Variants in PLPP4 observed in about 807,000 individuals in gnomAD.
The protein encoded by PLPP4 is phospholipid phosphatase 4.
A neutral mutation model predicts 32.2 loss-of-function variants in PLPP4; 20 were observed. The ratio of observed to expected loss-of-function variants is 0.62; its 90% CI spans 0.44 to 0.90. The LOEUF (loss-of-function observed/expected upper bound fraction) is 0.90. Ranked by LOEUF, PLPP4 falls within the 40% of genes least tolerant of loss-of-function variation. The pLI is 0.00. For missense variants in PLPP4, 257 were observed against 353.1 expected (o/e 0.73, Z 2.18); for synonymous variants, 127 against 133.0 (o/e 0.95, Z 0.31).
At chr10:120,569,833 G>C (rs1848850842) in intron 5 of PLPP4, among the ~76,000 whole-genome samples, 1 of 152,198 alleles carries the variant, frequency 6.6e-6, no homozygotes, top group Non-Finnish European at 1.5e-5. Context: ...CAGGCAGTGT[G>C]TTCGGTCCTA....
In PLPP4 at chr10:120,473,173, A is replaced by G. The variant is rs542168174; in HGVS notation, c.56+15812A>G. Among the ~76,000 whole-genome samples, 41 of 152,302 alleles carry G rather than the reference A, an allele frequency of 2.7e-4. 1 individual carries two copies. Among genetic ancestry groups the G allele is most frequent in the South Asian group, 8.3e-4 (4 of 4,826 alleles). On this transcript the variant is annotated intron_variant, in intron 1 of 6. Coordinates refer to ENST00000398250, the MANE Select transcript of PLPP4 (RefSeq NM_001030059.3). ...ATATATTGGACACTGTGAAACATAC[A>G]TTGTAGAGATTCTGGATTGTTATTT...
At chr10:120,530,220 C>T (rs1846638190) in intron 5 of PLPP4, among the ~76,000 whole-genome samples, 1 of 152,160 alleles carries the variant, frequency 6.6e-6, no homozygotes, top group African/African-American at 2.4e-5. Context: ...TACTGTATAA[C>T]CCATATTCCT....
intron 1 of PLPP4, among the ~76,000 whole-genome samples, chr10:120,489,253 G>A (rs904422686): frequency 1.3e-5 from 2 of 152,186 alleles, no homozygotes; most frequent in East Asian, 1.9e-4. Flanking sequence ...TGGTGATAGC[G>A]GTGGTGGACA....
chr10:120,538,246 T>A (rs542112985), intron 5 of PLPP4, among the ~76,000 whole-genome samples: 1 of 151,346 alleles, frequency 6.6e-6, no homozygotes, highest in East Asian at 2.0e-4. Context: ...GAGGCTGGGC[T>A]GCCTCTCTTG....
At chr10:120,503,724 C>T (rs1055592978) in intron 1 of PLPP4, 94 bp from the exon 2 acceptor site, 3 of 1,592,732 alleles carry the variant, frequency 1.9e-6, no homozygotes, top group Non-Finnish European at 2.6e-6. Context: ...GGCTGGATTC[C>T]CACCCTGAGG....
At chr10:120,526,267 G>A (rs1456147244) in intron 5 of PLPP4, among the ~76,000 whole-genome samples, 4 of 151,790 alleles carry the variant, frequency 2.6e-5, no homozygotes, top group South Asian at 2.1e-4. Context: ...TTTGTTTGCC[G>A]GTTTCATGTG....
chr10:120,551,148 C>T (rs1450510277), intron 5 of PLPP4, among the ~76,000 whole-genome samples: 2 of 152,086 alleles, frequency 1.3e-5, no homozygotes, highest in East Asian at 3.8e-4. Context: ...AAAAGGTGCT[C>T]CATTATTCCT....
At chr10:120,471,525 G>A (rs1389185139) in intron 1 of PLPP4, among the ~76,000 whole-genome samples, 2 of 151,650 alleles carry the variant, frequency 1.3e-5, no homozygotes, top group African/African-American at 2.4e-5. Flanking sequence ...TTATCTTAAG[G>A]TCTACTTTAT....
At chr10:120,475,714 C>T (rs957169353) in intron 1 of PLPP4, among the ~76,000 whole-genome samples, 12 of 152,082 alleles carry the variant, frequency 7.9e-5, no homozygotes, top group Admixed American at 2.6e-4. Context: ...TTCTAAGTAT[C>T]GGGAAAAGGG....
At position 120,477,144 on chromosome 10, in the gene PLPP4, T is replaced by C. The variant is rs112659230; in HGVS notation, c.56+19783T>C. Among the ~76,000 whole-genome samples, 1,442 of 152,058 alleles carry C rather than the reference T, an allele frequency of 9.5e-3. 29 individuals carry two copies. Among genetic ancestry groups the C allele is most frequent in the African/African-American group, 0.033 (1,369 of 41,494 alleles). ...ATCAAGAGGCTCGGACGAAGCTTGATTAATTATCTGTGTACTTTATGCCGA... is the reference window on the plus strand; with the variant it reads ...ATCAAGAGGCTCGGACGAAGCTTGACTAATTATCTGTGTACTTTATGCCGA... On this transcript the variant is annotated intron_variant, in intron 1 of 6. Transcript: ENST00000398250.
At chr10:120,559,485 AC>A (rs1848320536) in intron 5 of PLPP4, among the ~76,000 whole-genome samples, 1 of 152,196 alleles carries the variant, frequency 6.6e-6, no homozygotes. Context: ...TTACATTCCT[AC>A]TGCCCTGAAG....
intron 5 of PLPP4, among the ~76,000 whole-genome samples, chr10:120,566,828 T>C (rs1423028618): frequency 6.6e-6 from 1 of 152,242 alleles, no homozygotes; most frequent in Non-Finnish European, 1.5e-5. Flanking sequence ...GTGCTGGGAT[T>C]ACAGGCGTGA....
At chr10:120,520,888 C>T (rs1846120935) in intron 4 of PLPP4, 83 bp from the exon 5 acceptor site, 1 of 1,517,012 alleles carries the variant, frequency 6.6e-7, no homozygotes, top group Admixed American at 1.7e-5. Context: ...GAGCTGGGGG[C>T]AGTGGGGAGT....
At chr10:120,548,486 A>T (rs1178846663) in intron 5 of PLPP4, among the ~76,000 whole-genome samples, 2 of 152,144 alleles carry the variant, frequency 1.3e-5, no homozygotes, top group Non-Finnish European at 2.9e-5. Flanking sequence ...CCACTGATGA[A>T]CATTTAGGTT....
At chr10:120,480,609 C>G (rs1844155373) in intron 1 of PLPP4, among the ~76,000 whole-genome samples, 1 of 152,178 alleles carries the variant, frequency 6.6e-6, no homozygotes, top group South Asian at 2.1e-4. Flanking sequence ...CTGGCAGCAG[C>G]CACCAATGAC....
At chr10:120,489,992 C>G (rs955754460) in intron 1 of PLPP4, among the ~76,000 whole-genome samples, 6 of 152,192 alleles carry the variant, frequency 3.9e-5, no homozygotes, top group African/African-American at 1.4e-4. Context: ...GACAAGAATG[C>G]CTGCTGCCCT....
chr10:120,473,602 G>A (rs1326660), intron 1 of PLPP4, among the ~76,000 whole-genome samples: 5,672 of 152,206 alleles, frequency 0.037, 182 homozygotes, highest in South Asian at 0.11. Flanking sequence ...ATATGGTTTG[G>A]CTCTGCATCC....
chr10:120,458,210 AC>A (rs1394698507), intron 1 of PLPP4, among the ~76,000 whole-genome samples: 2 of 151,942 alleles, frequency 1.3e-5, no homozygotes, highest in Admixed American at 6.6e-5. Flanking sequence ...GCTCAGAGCC[AC>A]CCCGCAGCCT....
chr10:120,553,202 C>T, intron 5 of PLPP4, among the ~76,000 whole-genome samples: 1 of 152,164 alleles, frequency 6.6e-6, no homozygotes, highest in East Asian at 1.9e-4. Context: ...TTTAATATGA[C>T]AGTTGTCATG....
Sources: allele counts gnomAD v4.1 joint callset (sites outside exome capture counted in the v4.1 genomes callset), GRCh38; gene constraint gnomAD v4.1.1; transcripts MANE v1.5; gene names NCBI Gene and HGNC (gene_info 2026-07-23, HGNC 2026-07-21).